The following CDH12 variants were observed in gnomAD, a reference collection of about 807,000 sequenced individuals.
CDH12 encodes cadherin 12, also known as cadherin-12.
CDH12 carries 41 observed loss-of-function variants against 74.1 expected under a neutral mutation model. The observed-to-expected ratio is 0.55, with a 90% CI of 0.43 to 0.72. The LOEUF (loss-of-function observed/expected upper bound fraction) is 0.72, where lower values mean the gene tolerates loss of function less well. Ranked by LOEUF, CDH12 falls within the 30% of genes least tolerant of loss-of-function variation. The pLI, the probability that CDH12 is intolerant of heterozygous loss-of-function variation, is 0.00. For synonymous variants in CDH12, 399 were observed against 355.0 expected, an observed-to-expected ratio of 1.12 and a Z score of -1.39; for missense variants, 945 against 977.2, an observed-to-expected ratio of 0.97 and a Z score of 0.44.
intron 1 of CDH12, among the ~76,000 whole-genome samples, chr5:22,553,327 T>G (rs2126736993): frequency 6.6e-6 from 1 of 152,242 alleles, no homozygotes; most frequent in South Asian, 2.1e-4. Context: ...ATCTGAAAAT[T>G]AATTTTCTTT....
chr5:22,439,329 G>T (rs1425176458), intron 2 of CDH12, among the ~76,000 whole-genome samples: 1 of 151,960 alleles, frequency 6.6e-6, no homozygotes, highest in Non-Finnish European at 1.5e-5. Context: ...ACATTAAAAT[G>T]TATTGCTTCA....
chr5:21,935,823 C>T (rs1328307677), intron 6 of CDH12, among the ~76,000 whole-genome samples: 1 of 152,180 alleles, frequency 6.6e-6, no homozygotes, highest in Non-Finnish European at 1.5e-5. Flanking sequence ...TTAGCTCCCA[C>T]AAATAAGTGA....
intron 3 of CDH12, among the ~76,000 whole-genome samples, chr5:22,286,184 T>C (rs1373843137): frequency 6.6e-6 from 1 of 152,172 alleles, no homozygotes; most frequent in Admixed American, 6.5e-5. Flanking sequence ...ATATGTAGTA[T>C]TCTGGCAGAA....
At position 22,482,168 on chromosome 5, in the gene CDH12, G is replaced by A. The variant is rs370762606; in HGVS notation, c.-428+23102C>T. ...TAAAATGAGAGAATACCAACTAAGAGTCCTAATTTTATATGTTATTTGGTA... is the reference window on the plus strand; with the variant it reads ...TAAAATGAGAGAATACCAACTAAGAATCCTAATTTTATATGTTATTTGGTA... On this transcript the variant is annotated intron_variant, in intron 2 of 14. Coordinates refer to ENST00000382254, the MANE Select transcript of CDH12 (RefSeq NM_004061.5). Among the ~76,000 whole-genome samples, 33 of 152,134 alleles carry A rather than the reference G, an allele frequency of 2.2e-4. 1 individual carries two copies. The East Asian group carries it at 2.9e-3, about 13-fold the overall frequency.
intron 1 of CDH12, among the ~76,000 whole-genome samples, chr5:22,678,047 G>T (rs200729111): frequency 5.5e-5 from 6 of 109,898 alleles, no homozygotes; most frequent in South Asian, 5.9e-4. Context: ...ATCCTCATGG[G>T]GGGGGGGGTT....
At chr5:22,720,491 T>C (rs1166548319) in intron 1 of CDH12, among the ~76,000 whole-genome samples, 1 of 152,120 alleles carries the variant, frequency 6.6e-6, no homozygotes, top group Non-Finnish European at 1.5e-5. Flanking sequence ...TATCGGAAAT[T>C]GGTGCTGCAG....
chr5:22,827,053 C>T (rs1339234156), intron 1 of CDH12, among the ~76,000 whole-genome samples: 1 of 152,162 alleles, frequency 6.6e-6, no homozygotes, highest in East Asian at 1.9e-4. Context: ...CCGTTACAGG[C>T]CCACAGGTTT....
At chr5:22,758,688 AT>A (rs1746057787) in intron 1 of CDH12, among the ~76,000 whole-genome samples, 1 of 152,086 alleles carries the variant, frequency 6.6e-6, no homozygotes, top group Non-Finnish European at 1.5e-5. Context: ...GTAACATCAT[AT>A]TTTCTATTTG....
chr5:22,684,611 G>A (rs1334452320), intron 1 of CDH12, among the ~76,000 whole-genome samples: 1 of 152,194 alleles, frequency 6.6e-6, no homozygotes, highest in Non-Finnish European at 1.5e-5. Flanking sequence ...CAAACGCGTA[G>A]GAGAATCTAG....
chr5:22,120,241 T>C (rs1745426742), intron 4 of CDH12, among the ~76,000 whole-genome samples: 1 of 152,178 alleles, frequency 6.6e-6, no homozygotes, highest in Admixed American at 6.5e-5. Context: ...AAACACAATG[T>C]TAATTTTGTC....
intron 6 of CDH12, chr5:21,882,901 A>C: frequency 1.9e-6 from 3 of 1,604,894 alleles, no homozygotes; most frequent in Non-Finnish European, 2.6e-6. Flanking sequence ...GTTGCCAATA[A>C]CACAAATGAA....
intron 4 of CDH12, among the ~76,000 whole-genome samples, chr5:22,210,634 GCAACCTT>G (rs1195914413): frequency 6.6e-6 from 1 of 151,982 alleles, no homozygotes; most frequent in Non-Finnish European, 1.5e-5. Context: ...GAGAGTAAAC[GCAACCTT>G]CAATGGACGT....
chr5:22,305,329 C>T (rs1010396984), intron 3 of CDH12, among the ~76,000 whole-genome samples: 2 of 152,226 alleles, frequency 1.3e-5, no homozygotes. Flanking sequence ...ATAACAAAGC[C>T]TCAATTCAGG....
chr5:22,166,394 A>C (rs1748685351), intron 4 of CDH12, among the ~76,000 whole-genome samples: 1 of 152,192 alleles, frequency 6.6e-6, no homozygotes, highest in African/African-American at 2.4e-5. Flanking sequence ...AATAGAAGTC[A>C]ATGGGTTTTT....
intron 2 of CDH12, among the ~76,000 whole-genome samples, chr5:22,414,290 T>G (rs529873548): frequency 6.6e-6 from 1 of 152,116 alleles, no homozygotes. Context: ...TGCAAAATGA[T>G]ATTTAGACAT....
rs1749103835 is a variant in CDH12 at position 22,172,718 on chromosome 5, CTTATA to C, written c.-187+39775_-187+39779del. ...TGACTGTATACTGTCTACTGTTACT[CTTATA>C]TTTTATTGAATGCATTTCCTTTTTT... On this transcript the variant is annotated intron_variant, in intron 4 of 14. Transcript: ENST00000382254. Among the ~76,000 whole-genome samples, 3 of 151,748 alleles carry C rather than the reference CTTATA, an allele frequency of 2.0e-5. No individual in the cohort carries two copies. The South Asian group carries it at 6.2e-4, about 32-fold the overall frequency.
At chr5:22,634,155 T>C (rs1738717313) in intron 1 of CDH12, among the ~76,000 whole-genome samples, 1 of 151,982 alleles carries the variant, frequency 6.6e-6, no homozygotes. Context: ...ATATTTAGCA[T>C]AAAAGGCAGT....
chr5:21,969,521 C>G (rs866329964), intron 6 of CDH12, among the ~76,000 whole-genome samples: 4 of 151,986 alleles, frequency 2.6e-5, no homozygotes, highest in Non-Finnish European at 4.4e-5. Context: ...TGAGGAAAGC[C>G]AGCTGCCACG....
At chr5:22,376,978 C>T (rs1316741551) in intron 3 of CDH12, among the ~76,000 whole-genome samples, 1 of 151,976 alleles carries the variant, frequency 6.6e-6, no homozygotes, top group Non-Finnish European at 1.5e-5. Context: ...TTATTAAAGA[C>T]AGGGTATTAG....
Sources: gnomAD v4.1 joint callset for allele counts (sites outside exome capture counted in the v4.1 genomes callset) on GRCh38, gnomAD v4.1.1 for gene constraint, MANE v1.5 for transcripts, NCBI Gene and HGNC (gene_info 2026-07-23, HGNC 2026-07-21) for gene names.